CLPP: variants seen among roughly 807,000 people sequenced by gnomAD.
CLPP encodes the protein caseinolytic mitochondrial matrix peptidase proteolytic subunit.
In CLPP, 14 loss-of-function variants were observed where a neutral mutation model predicts 27.4. That is an observed-to-expected ratio of 0.51 (90% CI 0.34 to 0.80). The LOEUF (loss-of-function observed/expected upper bound fraction) is 0.80, where lower values mean the gene tolerates loss of function less well. Ranked by LOEUF, CLPP falls within the 30% of genes least tolerant of loss-of-function variation. The pLI is 0.02. For missense variants in CLPP, 361 were observed against 403.6 expected (o/e 0.89, Z 0.90); for synonymous variants, 193 against 166.6 (o/e 1.16, Z -1.22).
Position 6,361,879 on chromosome 19 carries a change from A to G in CLPP, c.209A>G (p.Glu70Gly). 1 of 1,582,656 alleles carries G rather than the reference A, an allele frequency of 6.3e-7. No individual in the cohort carries two copies. Among genetic ancestry groups the G allele is most frequent in the Non-Finnish European group, 8.5e-7 (1 of 1,170,922 alleles). ...TCTTTCTACCCCCAGGGTCGCGGCGAGCGCGCCTATGACATCTACTCGCGG... is the reference window on the plus strand; with the variant it reads ...TCTTTCTACCCCCAGGGTCGCGGCGGGCGCGCCTATGACATCTACTCGCGG... ...PIVVEQTGRG[E>G]RAYDIYSRLL... Residue 70 changes from glutamate (E) to glycine (G), a missense_variant, in exon 2 of 6, where the codon GAG (glutamate) becomes GGG (glycine). Glu to Gly is a moderately conservative substitution (Grantham distance 98, BLOSUM62 -2). Around this residue, in one of 2 missense-constraint regions of CLPP, gnomAD observed 148 missense variants for 122.6 expected, o/e 1.21. Coordinates refer to ENST00000245816, the MANE Select transcript of CLPP (RefSeq NM_006012.4).
chr19:6,368,259 C>A (rs751784647), intron 5 of CLPP, among the ~76,000 whole-genome samples: 1 of 152,030 alleles, frequency 6.6e-6, no homozygotes, highest in African/African-American at 2.4e-5. Flanking sequence ...GGCTTGCAGA[C>A]GGCCGCCTTC....
chr19:6,368,408 C>G (rs991702521), intron 5 of CLPP, 130 bp from the exon 6 acceptor site: 1 of 875,020 alleles, frequency 1.1e-6, no homozygotes, highest in East Asian at 2.6e-5. Flanking sequence ...TCCCATCCCA[C>G]TAGGGGATGG....
chr19:6,363,429 C>G (rs1372327375), intron 3 of CLPP, among the ~76,000 whole-genome samples: 1 of 152,048 alleles, frequency 6.6e-6, no homozygotes, highest in African/African-American at 2.4e-5. Flanking sequence ...GGCCTGATTT[C>G]TAGTTTCTCT....
rs886593088 is a variant in CLPP at position 6,370,147 on chromosome 19, T to C, written c.*1437T>C. On this transcript the variant is annotated 3_prime_UTR_variant, in exon 6 of 6. Coordinates refer to ENST00000245816, the MANE Select transcript of CLPP (RefSeq NM_006012.4). ...GCAAAGGAACAGGCTTGGGGAGGGA[T>C]CAGGAGTTGATTTTGGATATATTAT... Among the ~76,000 whole-genome samples, 3 of 152,138 alleles carry C rather than the reference T, an allele frequency of 2.0e-5. No individual in the cohort carries two copies. The highest frequency in any genetic ancestry group is 6.5e-5 in the Admixed American group (1 of 15,274).
In CLPP at chr19:6,362,426, C is replaced by G; in HGVS notation, c.271-20C>G. ...TCCCCACCCCGAATCTGGGGACACCCCTGCCCTCTCCACCTGCAGATCGAT... is the reference window on the plus strand; with the variant it reads ...TCCCCACCCCGAATCTGGGGACACCGCTGCCCTCTCCACCTGCAGATCGAT... On this transcript the variant is annotated intron_variant, in intron 2 of 5. Coordinates refer to ENST00000245816, the MANE Select transcript of CLPP (RefSeq NM_006012.4). 5 of 1,588,586 alleles carry G rather than the reference C, an allele frequency of 3.1e-6. No homozygotes were observed. The highest frequency in any genetic ancestry group is 1.1e-5 in the South Asian group (1 of 90,570).
chr19:6,369,150 C>T lies in CLPP; in HGVS notation c.*440C>T, dbSNP rs560381613. On this transcript the variant is annotated 3_prime_UTR_variant, in exon 6 of 6. Coordinates refer to ENST00000245816, the MANE Select transcript of CLPP (RefSeq NM_006012.4). ...TAAAAAAAACAAAACAGGCCAGGCG[C>T]GCTGGCTCACGCCTGTAATCCCAGC... Among the ~76,000 whole-genome samples the T allele has an allele frequency of 1.3e-5, 2 of 152,162 alleles. No homozygotes were observed. Among genetic ancestry groups the T allele is most frequent in the African/African-American group, 2.4e-5 (1 of 41,420 alleles).
At chr19:6,362,364 G>C in intron 2 of CLPP, 82 bp from the exon 3 acceptor site, 1 of 941,626 alleles carries the variant, frequency 1.1e-6, no homozygotes, top group Non-Finnish European at 1.7e-6. Context: ...CCCCTTCCTG[G>C]TTCCCTGACC....
In CLPP at chr19:6,368,667, T is replaced by C. The variant is rs112719208; in HGVS notation, c.791T>C (p.Val264Ala). The change falls in exon 6 of 6, where the codon GTA (valine) becomes GCA (alanine). Residue 264 changes from valine (V) to alanine (A), a missense_variant. Physicochemically the swap from Val to Ala is moderately conservative, Grantham distance 64. This residue lies in a region of CLPP where 213 missense variants were observed against 280.9 expected (regional missense o/e 0.76). Coordinates refer to ENST00000245816, the MANE Select transcript of CLPP (RefSeq NM_006012.4). Reference sequence around the variant, plus strand: ...CCCACGCTGGTGCAGAAGGAGCCTGTAGAAGCAGCGCCGGCAGCAGAACCT... The same window carrying C: ...CCCACGCTGGTGCAGAAGGAGCCTGCAGAAGCAGCGCCGGCAGCAGAACCT... ...DEPTLVQKEP[V>A]EAAPAAEPVP... 34 of 1,583,596 alleles carry C rather than the reference T, an allele frequency of 2.1e-5. No individual in the cohort carries two copies. The African/African-American group carries it at 2.7e-4, about 13-fold the overall frequency.
At chr19:6,368,324 T>C (rs767604824) in intron 5 of CLPP, among the ~76,000 whole-genome samples, 6 of 152,070 alleles carry the variant, frequency 3.9e-5, no homozygotes, top group Non-Finnish European at 8.8e-5. Context: ...TCTCCTCTTA[T>C]AAGGCCACTA....
rs779726089 is a variant in CLPP, at chr19:6,364,465, C to T, written c.381C>T (p.Thr127=). 7.5e-6 allele frequency: 12 copies of T among 1,607,914 alleles called. No homozygotes were observed. Among genetic ancestry groups the T allele is most frequent in the Middle Eastern group, 2.1e-4 (1 of 4,758 alleles). ...MYINSPGGVV[T]AGLAIYDTMQ... ...CCCCGCCCACAGGTGGTGTGGTGAC[C>T]GCGGGCCTGGCCATCTACGACACGA... Residue 127 remains threonine (T), a synonymous_variant, in exon 4 of 6, where the codon ACC becomes ACT. Coordinates refer to ENST00000245816, the MANE Select transcript of CLPP (RefSeq NM_006012.4).
chr19:6,361,616 A>C lies in CLPP; in HGVS notation c.42A>C (p.Ser14=), dbSNP rs935069392. 9.2e-6 allele frequency: 13 copies of C among 1,418,844 alleles called. No individual in the cohort carries two copies. The African/African-American group carries it at 2.0e-4, about 21-fold the overall frequency. The allele number at this position is 1,418,844 out of a possible 1,614,324, so 87.9% of individuals were successfully genotyped here. A position where few individuals can be genotyped will look rare whatever the true frequency, so the allele number is the denominator to read the frequency against. The change falls in exon 1 of 6, where the codon TCA becomes TCC. Residue 14 remains serine, a synonymous_variant. Transcript: ENST00000245816. The part of the protein sequence containing the change: ...GILVGGARVA[S]CRYPALGPRL... ...TGGTAGGGGGGGCCCGGGTGGCGTC[A>C]TGCAGGTACCCCGCGCTGGGGCCTC...
At chr19:6,364,356 G>A (rs945883447) in intron 3 of CLPP, 96 bp from the exon 4 acceptor site, 63 of 1,140,470 alleles carry the variant, frequency 5.5e-5, no homozygotes, top group Non-Finnish European at 7.6e-5. Flanking sequence ...AAGGAGGGGG[G>A]CTGCATCTGT....
chr19:6,362,235 T>C, intron 2 of CLPP: 2 of 599,266 alleles, frequency 3.3e-6, no homozygotes, highest in Non-Finnish European at 5.9e-6. Context: ...CCTGTGTCCC[T>C]AGCCCCCTGA....
intron 4 of CLPP, among the ~76,000 whole-genome samples, chr19:6,365,570 C>T (rs2091857868): frequency 6.6e-6 from 1 of 152,190 alleles, no homozygotes; most frequent in Admixed American, 6.5e-5. Flanking sequence ...CATCTGTAAT[C>T]CCAGCACTTT....
Position 6,369,124 on chromosome 19 carries a change from C to T in CLPP, c.*414C>T, listed in dbSNP as rs1455593005. On this transcript the variant is annotated 3_prime_UTR_variant, in exon 6 of 6. Coordinates refer to ENST00000245816, the MANE Select transcript of CLPP (RefSeq NM_006012.4). ...CCATTCTTGTGGCAGTAGACAGTTA[C>T]TAAAAAAAACAAAACAGGCCAGGCG... Among the ~76,000 whole-genome samples, 1 of 151,918 alleles carries T rather than the reference C, an allele frequency of 6.6e-6. No individual in the cohort carries two copies.
Position 6,368,535 on chromosome 19 carries a change from C to T in CLPP, c.662-3C>T, listed in dbSNP as rs761391026. The T allele has an allele frequency of 9.5e-5, 154 of 1,614,004 alleles. No homozygotes were observed. Among genetic ancestry groups the T allele is most frequent in the Middle Eastern group, 1.6e-4 (1 of 6,084 alleles). On this transcript the variant is annotated splice_polypyrimidine_tract_variant and splice_region_variant and intron_variant, in intron 5 of 5. Transcript: ENST00000245816. The stretch of plus-strand genomic sequence containing the variant: ...TGTGTCTCACCTCCTGCTTCCCCAC[C>T]AGAGTCCGCCATGGAGAGGGACCGC...
chr19:6,368,351 C>T (rs904911352), intron 5 of CLPP, among the ~76,000 whole-genome samples, 187 bp from the exon 6 acceptor site: 1 of 152,206 alleles, frequency 6.6e-6, no homozygotes, highest in South Asian at 2.1e-4. Context: ...TCAAGGGGCC[C>T]CTGACCCCAT....
At chr19:6,368,431 T>C (rs1017449545) in intron 5 of CLPP, 107 bp from the exon 6 acceptor site, 1 of 1,080,164 alleles carries the variant, frequency 9.3e-7, no homozygotes, top group Non-Finnish European at 1.4e-6. Context: ...CTTCAACATA[T>C]GAACTTGGGG....
At position 6,368,869 on chromosome 19, in the gene CLPP, C is replaced by T. The variant is rs1337723897; in HGVS notation, c.*159C>T. 3 of 634,750 alleles carry T rather than the reference C, an allele frequency of 4.7e-6. No individual in the cohort carries two copies. Among genetic ancestry groups the T allele is most frequent in the East Asian group, 5.5e-5 (2 of 36,386 alleles). The allele number at this position is 634,750 out of a possible 1,614,324, so 39.3% of individuals were successfully genotyped here. On this transcript the variant is annotated 3_prime_UTR_variant, in exon 6 of 6. Transcript: ENST00000245816. ...TATGGACGGGGCATTCCAGCTGAGA[C>T]ACTGTGATTTTAAATTAAATCTTTG...
Sources: allele counts gnomAD v4.1 joint callset (sites outside exome capture counted in the v4.1 genomes callset), GRCh38; gene constraint gnomAD v4.1.1; regional missense constraint gnomAD v4.1.1; transcripts MANE v1.5; gene names NCBI Gene and HGNC (gene_info 2026-07-23, HGNC 2026-07-21).